The following SUPT6H variants were observed in gnomAD, a reference collection of about 807,000 sequenced individuals.
The protein encoded by SUPT6H is SPT6 homolog, histone chaperone and transcription elongation factor.
A neutral mutation model predicts 222.3 loss-of-function variants in SUPT6H; 11 were observed. The ratio of observed to expected loss-of-function variants is 0.05; its 90% CI spans 0.03 to 0.08. The LOEUF is 0.08. SUPT6H is among the 10% of genes least tolerant of loss of function. The probability of loss-of-function intolerance (pLI) is 1.00; values close to 1 mark genes in which losing one functional copy is unlikely to be tolerated. For missense variants in SUPT6H, 1,422 were observed against 2,216.0 expected (o/e 0.64, Z 7.19); for synonymous variants, 762 against 801.2 (o/e 0.95, Z 0.83).
rs762184457 is a variant in SUPT6H at position 28,697,939 on chromosome 17, G to C, written c.4357G>C (p.Glu1453Gln). 1 of 1,614,050 alleles carries C rather than the reference G, an allele frequency of 6.2e-7. No homozygotes were observed. The highest frequency in any genetic ancestry group is 1.1e-5 in the South Asian group (1 of 91,076). ...GGAGCTGCTCATCAAAACTAAGAAG[G>C]AGAAGCCCACCTTCATCCCTTATTT... ...LEELLIKTKKEKPTFIPYFIC... is the reference protein window; with the variant it reads ...LEELLIKTKKQKPTFIPYFIC... Residue 1453 changes from glutamate to glutamine, a missense_variant, in exon 32 of 37, where the codon GAG becomes CAG. Coordinates refer to ENST00000314616, the MANE Select transcript of SUPT6H (RefSeq NM_003170.5).
chr17:28,671,955 T>C (rs1026849319), intron 1 of SUPT6H, among the ~76,000 whole-genome samples: 12 of 152,192 alleles, frequency 7.9e-5, no homozygotes, highest in African/African-American at 2.9e-4. Flanking sequence ...AGCCCAGCAG[T>C]CTTTCCATTT....
At chr17:28,672,480 C>G (rs1474617410) in intron 1 of SUPT6H, among the ~76,000 whole-genome samples, 1 of 151,822 alleles carries the variant, frequency 6.6e-6, no homozygotes, top group Non-Finnish European at 1.5e-5. Context: ...GTGGTGCAAT[C>G]TCAGCTCACT....
chr17:28,684,493 T>G, intron 17 of SUPT6H, 93 bp from the exon 18 acceptor site: 1 of 1,449,808 alleles, frequency 6.9e-7, no homozygotes. Context: ...CCCTCGCACA[T>G]GTGTGTATGA....
chr17:28,666,914 A>C (rs906901835), intron 1 of SUPT6H, among the ~76,000 whole-genome samples: 12 of 152,104 alleles, frequency 7.9e-5, no homozygotes, highest in Non-Finnish European at 1.8e-4. Context: ...TAACATCTTG[A>C]CTTCATGTAA....
intron 1 of SUPT6H, among the ~76,000 whole-genome samples, chr17:28,670,656 G>A (rs1235227415): frequency 6.6e-6 from 1 of 152,202 alleles, no homozygotes; most frequent in Non-Finnish European, 1.5e-5. Flanking sequence ...GGAGGCCGAG[G>A]CGGGCAGATC....
intron 23 of SUPT6H, 39 bp downstream of exon 23, chr17:28,687,510 A>G (rs1271416023): frequency 1.3e-6 from 2 of 1,596,466 alleles, no homozygotes; most frequent in Non-Finnish European, 8.6e-7. Flanking sequence ...AAAACTTGCC[A>G]TTTCATTGAA....
chr17:28,667,576 A>G (rs1401488706), intron 1 of SUPT6H, among the ~76,000 whole-genome samples: 1 of 149,990 alleles, frequency 6.7e-6, no homozygotes, highest in African/African-American at 2.5e-5. Context: ...ACAACATGGA[A>G]TGTCTTGTAG....
In SUPT6H at chr17:28,682,974, G is replaced by T. The variant is rs1238073256; in HGVS notation, c.1760G>T (p.Gly587Val). The change falls in exon 15 of 37, where the codon GGC becomes GTC. Residue 587 changes from glycine (G) to valine (V), a missense_variant. This residue lies in a region of SUPT6H where 121 missense variants were observed against 158.0 expected (regional missense o/e 0.77). Transcript: ENST00000314616. The stretch of plus-strand genomic sequence containing the variant: ...CCTACTCCAGAAGCTGTGCTAGAAG[G>T]CGCCCGCTACATGGTAGCCCTGCAG... ...QFPTPEAVLE[G>V]ARYMVALQIA... is the part of the protein sequence containing the mutation. The T allele has an allele frequency of 1.9e-6, 3 of 1,613,070 alleles. No individual in the cohort carries two copies. Among genetic ancestry groups the T allele is most frequent in the African/African-American group, 2.7e-5 (2 of 74,862 alleles).
intron 19 of SUPT6H, 135 bp downstream of exon 19, chr17:28,685,096 T>G (rs2031315725): frequency 1.2e-6 from 1 of 839,454 alleles, no homozygotes. Flanking sequence ...ACTTGTCCCC[T>G]GGGATGCCTC....
At chr17:28,667,188 AC>A (rs574950947) in intron 1 of SUPT6H, among the ~76,000 whole-genome samples, 3,005 of 135,184 alleles carry the variant, frequency 0.022, 95 homozygotes, top group African/African-American at 0.075. Flanking sequence ...ACACGGTGAA[AC>A]CCCGTCTCTA....
rs375667299 is a variant in SUPT6H, at chr17:28,678,711, C to A, written c.1206+77C>A. The A allele has an allele frequency of 2.2e-5, 35 of 1,608,144 alleles. No homozygotes were observed. In the East Asian group the frequency reaches 2.5e-4, roughly 11 times the overall value. ...ACTACCAGGATACCACAAACCCAAA[C>A]CCCCCAGGCCTGTCTAGTCCTCCCC... On this transcript the variant is annotated intron_variant, in intron 10 of 36. Transcript: ENST00000314616.
Position 28,683,284 on chromosome 17 carries a change from A to G in SUPT6H, c.1895A>G (p.His632Arg). 1 of 1,614,168 alleles carries G rather than the reference A, an allele frequency of 6.2e-7. No homozygotes were observed. The highest frequency in any genetic ancestry group is 1.3e-5 in the African/African-American group (1 of 75,040). ...KKGRKDVDEAHYAYSFKYLKN... is the reference protein window; with the variant it reads ...KKGRKDVDEARYAYSFKYLKN... The stretch of plus-strand genomic sequence containing the variant: ...TGTGTGCAGGATGTGGATGAGGCCC[A>G]CTATGCCTATTCCTTCAAGTATTTA... The change falls in exon 16 of 37, where the codon CAC becomes CGC. Residue 632 changes from histidine (H) to arginine (R), a missense_variant. Physicochemically the swap from His to Arg is conservative, Grantham distance 29 (BLOSUM62 0). This residue lies in a region of SUPT6H where 121 missense variants were observed against 158.0 expected (regional missense o/e 0.77). Transcript: ENST00000314616.
At chr17:28,674,678 C>G in intron 4 of SUPT6H, 65 bp downstream of exon 4, 1 of 1,501,950 alleles carries the variant, frequency 6.7e-7, no homozygotes. Flanking sequence ...ATTTCAATGT[C>G]TGTGGGTGAG....
chr17:28,690,460 C>T (rs2031588849), intron 26 of SUPT6H, among the ~76,000 whole-genome samples: 2 of 152,206 alleles, frequency 1.3e-5, no homozygotes. Context: ...TTCTTATAGG[C>T]TTTATTTTCC....
intron 23 of SUPT6H, 80 bp downstream of exon 23, chr17:28,687,551 A>G (rs1440943998): frequency 1.4e-6 from 2 of 1,461,356 alleles, no homozygotes; most frequent in East Asian, 2.4e-5. Context: ...GTATAATTTG[A>G]CAGATTGGGA....
At chr17:28,674,754 C>T (rs1448473759) in intron 4 of SUPT6H, 141 bp downstream of exon 4, 2 of 902,176 alleles carry the variant, frequency 2.2e-6, no homozygotes, top group Admixed American at 2.3e-5. Context: ...TACTACGGAG[C>T]CTAGATTTGC....
rs2031482415 is a variant in SUPT6H at position 28,688,087 on chromosome 17, C to G, written c.3007-4C>G. The G allele has an allele frequency of 6.2e-7, 1 of 1,609,824 alleles. No individual in the cohort carries two copies. Among genetic ancestry groups the G allele is most frequent in the Admixed American group, 1.7e-5 (1 of 59,622 alleles). ...CCCTGGCTCAGTCCAGCTCTCTCCC[C>G]CAGATCCTGAAGCAGAACAACACCC... is the stretch of plus-strand genomic sequence containing the variant. On this transcript the variant is annotated splice_polypyrimidine_tract_variant and splice_region_variant and intron_variant, in intron 23 of 36. Transcript: ENST00000314616. This position sits in a 1 kb window ranked among gnomAD's most constrained non-coding sequence, Gnocchi z 4.3.
At chr17:28,693,593 G>A in intron 27 of SUPT6H, 103 bp from the exon 28 acceptor site, 6 of 1,352,988 alleles carry the variant, frequency 4.4e-6, no homozygotes, top group Non-Finnish European at 6.2e-6. Context: ...ATGGTGCAAG[G>A]TGTCAATGGT....
At chr17:28,696,547 C>T (rs1238365742) in intron 29 of SUPT6H, among the ~76,000 whole-genome samples, 1 of 147,308 alleles carries the variant, frequency 6.8e-6, no homozygotes, top group Admixed American at 6.8e-5. Flanking sequence ...AGAATTGCGC[C>T]ACTGCACTAC....
Sources: gnomAD v4.1 joint callset for allele counts (sites outside exome capture counted in the v4.1 genomes callset) on GRCh38, gnomAD v4.1.1 for gene constraint, gnomAD v4.1.1 regional missense constraint, Gnocchi (gnomAD v3.1) non-coding constraint, MANE v1.5 for transcripts, NCBI Gene and HGNC (gene_info 2026-07-23, HGNC 2026-07-21) for gene names.